CDK19: variants seen among roughly 807,000 people sequenced by gnomAD.
CDK19 encodes the protein cyclin-dependent kinase 19.
In CDK19, 20 loss-of-function variants were observed where a neutral mutation model predicts 68.3. That is an observed-to-expected ratio of 0.29 (90% confidence interval 0.21 to 0.43). The LOEUF (loss-of-function observed/expected upper bound fraction) is 0.43. Among genes scored for constraint, CDK19 ranks in the 20% least tolerant of loss-of-function variants. The pLI is 1.00. For synonymous variants in CDK19, 221 were observed against 222.8 expected (o/e 0.99, Z 0.07); for missense variants, 339 against 623.5 (o/e 0.54, Z 4.86).
intron 2 of CDK19, among the ~76,000 whole-genome samples, chr6:110,720,263 G>A (rs1033213405): frequency 2.0e-5 from 3 of 152,124 alleles, no homozygotes; most frequent in Non-Finnish European, 2.9e-5. Context: ...TCAAAGCCCT[G>A]ACTAGGTTAA....
chr6:110,810,374 C>T (rs1004764880), intron 1 of CDK19, among the ~76,000 whole-genome samples: 1 of 152,154 alleles, frequency 6.6e-6, no homozygotes, highest in Non-Finnish European at 1.5e-5. Context: ...ATGACACTAG[C>T]AGCAATTTGG....
chr6:110,749,638 G>T (rs1778326510), intron 1 of CDK19, among the ~76,000 whole-genome samples: 1 of 151,982 alleles, frequency 6.6e-6, no homozygotes, highest in Non-Finnish European at 1.5e-5. Flanking sequence ...AGGATTACAG[G>T]CCTGTACCAC....
At chr6:110,732,522 C>T (rs893601708) in intron 2 of CDK19, among the ~76,000 whole-genome samples, 9 of 151,536 alleles carry the variant, frequency 5.9e-5, no homozygotes, top group Non-Finnish European at 2.9e-5. Context: ...GGCAACAAGG[C>T]AAGAAAAAAA....
chr6:110,622,108 G>A lies in CDK19; in HGVS notation c.1090C>T (p.Pro364Ser). 1 of 1,611,138 alleles carries A rather than the reference G, an allele frequency of 6.2e-7. No individual in the cohort carries two copies. Among genetic ancestry groups the A allele is most frequent in the South Asian group, 1.1e-5 (1 of 90,702 alleles). Residue 364 changes from proline to serine, a missense_variant, in exon 11 of 13, where the codon CCT (proline) becomes TCT (serine). Physicochemically the swap from Pro to Ser is moderately conservative, Grantham distance 74. Transcript: ENST00000368911. ...PKREFLNEDD[P>S]EEKGDKNQQQ... ...TATACCTTGTCACCTTTTTCTTCAG[G>A]ATCATCTTCATTAAGGAATTCTCGT... is the stretch of plus-strand genomic sequence containing the variant.
chr6:110,647,654 TAAA>T (rs1227247767), intron 4 of CDK19, among the ~76,000 whole-genome samples: 1 of 152,182 alleles, frequency 6.6e-6, no homozygotes, highest in Non-Finnish European at 1.5e-5. Context: ...AAACTGTAGT[TAAA>T]AATCTTTCTG....
At chr6:110,731,689 ATAC>A (rs1776771802) in intron 2 of CDK19, among the ~76,000 whole-genome samples, 1 of 152,236 alleles carries the variant, frequency 6.6e-6, no homozygotes, top group South Asian at 2.1e-4. Flanking sequence ...GGCTATTTCA[ATAC>A]TACATGACTG....
chr6:110,710,338 T>C (rs1047109191), intron 2 of CDK19, among the ~76,000 whole-genome samples: 1 of 152,218 alleles, frequency 6.6e-6, no homozygotes, highest in African/African-American at 2.4e-5. Context: ...GGAGAGGCTC[T>C]GAAACCATTA....
intron 2 of CDK19, among the ~76,000 whole-genome samples, chr6:110,712,994 G>C (rs1008854339): frequency 1.3e-5 from 2 of 151,852 alleles, no homozygotes; most frequent in Non-Finnish European, 2.9e-5. Flanking sequence ...CAGATCATGA[G>C]GTCAGGAGAT....
At chr6:110,737,554 C>T (rs1447953677) in intron 2 of CDK19, among the ~76,000 whole-genome samples, 2 of 152,120 alleles carry the variant, frequency 1.3e-5, no homozygotes, top group Admixed American at 6.6e-5. Flanking sequence ...GACAGATACA[C>T]GATAGGACTG....
chr6:110,774,345 A>C (rs543648342), intron 1 of CDK19, among the ~76,000 whole-genome samples: 3 of 152,326 alleles, frequency 2.0e-5, no homozygotes, highest in Non-Finnish European at 2.9e-5. Context: ...TAGCTGCCTG[A>C]AATCTGGGAT....
chr6:110,661,009 C>T (rs570308512), intron 4 of CDK19, among the ~76,000 whole-genome samples: 1 of 152,300 alleles, frequency 6.6e-6, no homozygotes, highest in East Asian at 1.9e-4. Context: ...CCAATCTTTC[C>T]CACCTCCTGG....
At chr6:110,679,316 TA>T (rs58934719) in intron 2 of CDK19, among the ~76,000 whole-genome samples, 3,174 of 136,750 alleles carry the variant, frequency 0.023, 91 homozygotes, top group African/African-American at 0.072. Context: ...ACCCTGTCTC[TA>T]AAAAAAAAAA....
intron 1 of CDK19, among the ~76,000 whole-genome samples, chr6:110,809,879 C>T (rs940509110): frequency 2.4e-4 from 37 of 152,204 alleles, no homozygotes; most frequent in African/African-American, 8.9e-4. Context: ...AGTGACTTTA[C>T]ATATGTAAGA....
intron 1 of CDK19, among the ~76,000 whole-genome samples, chr6:110,808,813 G>C (rs895918678): frequency 6.6e-6 from 1 of 152,146 alleles, no homozygotes; most frequent in South Asian, 2.1e-4. Context: ...AAGCACAGAA[G>C]ACAGATTACT....
intron 2 of CDK19, among the ~76,000 whole-genome samples, chr6:110,717,776 A>G (rs1248050030): frequency 2.6e-5 from 4 of 152,126 alleles, no homozygotes; most frequent in African/African-American, 9.7e-5. Flanking sequence ...ATCTTGGCTC[A>G]CCGCAACCTC....
intron 1 of CDK19, among the ~76,000 whole-genome samples, chr6:110,806,845 G>T (rs2115138115): frequency 6.6e-6 from 1 of 152,082 alleles, no homozygotes; most frequent in African/African-American, 2.4e-5. Flanking sequence ...AGGTATAGTG[G>T]TATATGCCTG....
chr6:110,794,797 A>C (rs1034300247), intron 1 of CDK19, among the ~76,000 whole-genome samples: 5 of 152,030 alleles, frequency 3.3e-5, no homozygotes, highest in Admixed American at 6.6e-5. Flanking sequence ...ATATATATAT[A>C]TCTGTGAAAA....
chr6:110,769,447 C>T (rs1270844267), intron 1 of CDK19, among the ~76,000 whole-genome samples: 1 of 151,528 alleles, frequency 6.6e-6, no homozygotes, highest in African/African-American at 2.4e-5. Flanking sequence ...TGCCTGTAAT[C>T]CCAGCTACTA....
intron 1 of CDK19, 109 bp downstream of exon 1, chr6:110,814,900 C>T (rs1479141237): frequency 1.4e-6 from 2 of 1,454,638 alleles, no homozygotes; most frequent in Middle Eastern, 1.8e-4. Context: ...CGACCCCCTC[C>T]GCCTCGCCCC....
Sources: allele counts gnomAD v4.1 joint callset (sites outside exome capture counted in the v4.1 genomes callset), GRCh38; gene constraint gnomAD v4.1.1; transcripts MANE v1.5; gene names NCBI Gene and HGNC (gene_info 2026-07-23, HGNC 2026-07-21).